Variants in CPEB3 observed in about 807,000 individuals in gnomAD.
CPEB3 encodes the protein cytoplasmic polyadenylation element-binding protein 3.
In CPEB3, 20 loss-of-function variants were observed where a neutral mutation model predicts 67.2. That is an observed-to-expected ratio of 0.30 (90% CI 0.21 to 0.43). The LOEUF is 0.43. Ranked by LOEUF, CPEB3 falls within the 20% of genes least tolerant of loss-of-function variation. CPEB3 has a pLI of 1.00. For missense variants in CPEB3, 746 were observed against 968.6 expected (o/e 0.77, Z 3.05); for synonymous variants, 376 against 393.1 (o/e 0.96, Z 0.51).
At chr10:92,267,841 A>C (rs550938821) in intron 1 of CPEB3, among the ~76,000 whole-genome samples, 5 of 152,286 alleles carry the variant, frequency 3.3e-5, no homozygotes, top group African/African-American at 1.2e-4. Flanking sequence ...TTATTTAGAG[A>C]TGTAGTCTCG....
intron 4 of CPEB3, among the ~76,000 whole-genome samples, chr10:92,158,133 GA>G (rs1226044904): frequency 2.7e-5 from 4 of 150,568 alleles, no homozygotes; most frequent in African/African-American, 7.3e-5. Context: ...ATTTAGAAAT[GA>G]AAAAAAAATT....
At chr10:92,096,171 A>G (rs996758917) in intron 7 of CPEB3, among the ~76,000 whole-genome samples, 6 of 151,970 alleles carry the variant, frequency 3.9e-5, no homozygotes, top group Non-Finnish European at 5.9e-5. Flanking sequence ...CACCATGCCC[A>G]GCCTAGAATA....
rs1477321084 is a variant in CPEB3 at position 92,240,366 on chromosome 10, A to G, written c.-11-5T>C. 4.2e-6 allele frequency: 6 copies of G among 1,439,306 alleles called. No individual in the cohort carries two copies. The East Asian group carries it at 1.6e-4, about 37-fold the overall frequency. 89.2% of individuals were successfully genotyped at this position (1,439,306 alleles called of 1,614,324 possible). The stretch of plus-strand genomic sequence containing the variant: ...CATCCTGCATGGTTTGCGCAGCTGA[A>G]ACGGGAAAAAAGAGAGACGCGTTAT... On this transcript the variant is annotated splice_polypyrimidine_tract_variant and splice_region_variant and intron_variant, in intron 1 of 9. Coordinates refer to ENST00000265997, the MANE Select transcript of CPEB3 (RefSeq NM_014912.5).
intron 1 of CPEB3, among the ~76,000 whole-genome samples, chr10:92,285,583 T>G (rs993877677): frequency 2.0e-5 from 3 of 152,204 alleles, no homozygotes; most frequent in Non-Finnish European, 4.4e-5. Flanking sequence ...AATTTAAGTT[T>G]CTAACATATG....
chr10:92,101,109 CT>C (rs1316976560), intron 7 of CPEB3, among the ~76,000 whole-genome samples: 1 of 152,178 alleles, frequency 6.6e-6, no homozygotes, highest in Non-Finnish European at 1.5e-5. Context: ...TCATTTTCAT[CT>C]GTTCATCTCA....
chr10:92,122,859 G>C (rs1407756108), intron 6 of CPEB3, among the ~76,000 whole-genome samples: 4 of 152,214 alleles, frequency 2.6e-5, no homozygotes, highest in East Asian at 1.9e-4. Context: ...ACTAACCTAA[G>C]TTAAAATGTA....
chr10:92,145,295 TAGGCA>T (rs369094551), intron 4 of CPEB3, among the ~76,000 whole-genome samples: 19 of 152,250 alleles, frequency 1.2e-4, no homozygotes, highest in African/African-American at 4.6e-4. Context: ...TGTGTAAGGG[TAGGCA>T]CAGCCTTGGG....
In CPEB3 at chr10:92,052,107, G is replaced by A. The variant is rs551927734; in HGVS notation, c.*105C>T. ...GACCCAATTCTTCTTTAAAAATCGAGAACGAATGCACAGATTTCCAGAACA... is the reference window on the plus strand; with the variant it reads ...GACCCAATTCTTCTTTAAAAATCGAAAACGAATGCACAGATTTCCAGAACA... On this transcript the variant is annotated 3_prime_UTR_variant, in exon 10 of 10. Coordinates refer to ENST00000265997, the MANE Select transcript of CPEB3 (RefSeq NM_014912.5). 5 of 673,136 alleles carry A rather than the reference G, an allele frequency of 7.4e-6. No homozygotes were observed. The East Asian group carries it at 8.2e-5, about 11-fold the overall frequency. 41.7% of individuals were successfully genotyped at this position (673,136 alleles called of 1,614,324 possible).
chr10:92,283,145 A>G (rs1319897643), intron 1 of CPEB3, among the ~76,000 whole-genome samples: 1 of 152,056 alleles, frequency 6.6e-6, no homozygotes, highest in African/African-American at 2.4e-5. Context: ...CTAGCTACTC[A>G]GGAGGCTGAG....
In CPEB3 at chr10:92,262,672, T is replaced by A. The variant is rs1050616923; in HGVS notation, c.-11-22311A>T. 2.0e-5 allele frequency among the ~76,000 whole-genome samples: 3 copies of A among 152,038 alleles called. No individual in the cohort carries two copies. The East Asian group carries it at 5.8e-4, about 29-fold the overall frequency. On this transcript the variant is annotated intron_variant, in intron 1 of 9. Transcript: ENST00000265997. The stretch of plus-strand genomic sequence containing the variant: ...GACCAGCCTGGGCAACATACAGAGA[T>A]CTTGTCTCTTTTTTAAATTTTTAAA...
chr10:92,138,713 A>C (rs1438822294), intron 6 of CPEB3, among the ~76,000 whole-genome samples: 1 of 152,186 alleles, frequency 6.6e-6, no homozygotes, highest in East Asian at 1.9e-4. Flanking sequence ...GCTGGTGAGG[A>C]TGTGGAGAAA....
intron 9 of CPEB3, among the ~76,000 whole-genome samples, chr10:92,067,473 C>T (rs1203767564): frequency 6.6e-6 from 1 of 150,518 alleles, no homozygotes; most frequent in African/African-American, 2.4e-5. Context: ...GCACTCCAGC[C>T]CAGGCAACAA....
At chr10:92,125,505 A>T (rs1442909702) in intron 6 of CPEB3, among the ~76,000 whole-genome samples, 1 of 152,172 alleles carries the variant, frequency 6.6e-6, no homozygotes, top group Non-Finnish European at 1.5e-5. Context: ...ATGAGAGGTG[A>T]GGCTATTGCA....
chr10:92,057,532 C>T lies in CPEB3; in HGVS notation c.1870-5093G>A, dbSNP rs377325770. Among the ~76,000 whole-genome samples the T allele has an allele frequency of 3.9e-5, 6 of 152,340 alleles. No individual in the cohort carries two copies. In the East Asian group the frequency reaches 9.7e-4, roughly 25 times the overall value. On this transcript the variant is annotated intron_variant, in intron 9 of 9. Coordinates refer to ENST00000265997, the MANE Select transcript of CPEB3 (RefSeq NM_014912.5). The stretch of plus-strand genomic sequence containing the variant: ...CAGAGGCTTGGGGAATCTCGCTGCC[C>T]TAAAGGGAAAGCCACAAGCCTGGCT...
At chr10:92,165,943 T>C (rs888445959) in intron 4 of CPEB3, among the ~76,000 whole-genome samples, 2 of 152,220 alleles carry the variant, frequency 1.3e-5, no homozygotes, top group African/African-American at 4.8e-5. Flanking sequence ...AACTGACCTC[T>C]TCAAATTCCT....
At chr10:92,179,091 C>T (rs1391816480) in intron 4 of CPEB3, among the ~76,000 whole-genome samples, 1 of 151,852 alleles carries the variant, frequency 6.6e-6, no homozygotes, top group South Asian at 2.1e-4. Context: ...AGCAAAATGG[C>T]CGTTTTGGTA....
At position 92,192,644 on chromosome 10, in the gene CPEB3, TA is replaced by T; in HGVS notation, c.1006-9del. 1.3e-6 allele frequency: 2 copies of T among 1,568,508 alleles called. No individual in the cohort carries two copies. Among genetic ancestry groups the T allele is most frequent in the Non-Finnish European group, 1.7e-6 (2 of 1,157,514 alleles). On this transcript the variant is annotated splice_polypyrimidine_tract_variant and intron_variant, in intron 2 of 9. Coordinates refer to ENST00000265997, the MANE Select transcript of CPEB3 (RefSeq NM_014912.5). ...ATAGGGCCTACTCCGGTCCTAAGAA[TA>T]AAAACAAAAACAAGACAATACATAA...
At chr10:92,256,782 T>G (rs970806553) in intron 1 of CPEB3, among the ~76,000 whole-genome samples, 1 of 152,252 alleles carries the variant, frequency 6.6e-6, no homozygotes, top group African/African-American at 2.4e-5. Flanking sequence ...GCAGAATTGC[T>G]GATTCCTTCC....
In CPEB3 at chr10:92,290,573, C is replaced by T. The variant is rs550650065; in HGVS notation, c.-12+353G>A. ...AGGGAGAGAATCATCTTTCCTTCCC[C>T]CAACTCCCCAGCCCCAAACACACAG... is the stretch of plus-strand genomic sequence containing the variant. On this transcript the variant is annotated intron_variant, in intron 1 of 9. Transcript: ENST00000265997. Among the ~76,000 whole-genome samples the T allele has an allele frequency of 2.0e-5, 3 of 152,276 alleles. No individual in the cohort carries two copies. In the East Asian group the frequency reaches 5.8e-4, roughly 29 times the overall value.
Sources: gnomAD v4.1 joint callset for allele counts (sites outside exome capture counted in the v4.1 genomes callset) on GRCh38, gnomAD v4.1.1 for gene constraint, MANE v1.5 for transcripts, NCBI Gene and HGNC (gene_info 2026-07-23, HGNC 2026-07-21) for gene names.